Variants in ZNF469 observed in about 807,000 individuals in gnomAD.
The protein encoded by ZNF469 is zinc finger protein 469.
In ZNF469, 1 loss-of-function variant was observed where a neutral mutation model predicts 1.0. The observed-to-expected ratio is 1.00, with a 90% CI of 0.35 to 4.73. The LOEUF is 4.73. Ranked by LOEUF, ZNF469 falls within the 30% of genes most tolerant of loss-of-function variation. The pLI is 0.16. For synonymous variants in ZNF469, 2,703 were observed against 2,363.4 expected, an observed-to-expected ratio of 1.14 and a Z score of -4.17; for missense variants, 6,100 against 5,356.3, an observed-to-expected ratio of 1.14 and a Z score of -4.33.
At chr16:88,185,732 A>G in the ZNF469 span, among the ~76,000 whole-genome samples, 1 of 141,800 alleles carries the variant, frequency 7.1e-6, no homozygotes, top group Non-Finnish European at 1.5e-5. Flanking sequence ...ATGCATACAC[A>G]CGCATACACA....
the ZNF469 span, among the ~76,000 whole-genome samples, chr16:88,257,539 C>A: frequency 3.3e-4 from 50 of 152,296 alleles, no homozygotes; most frequent in East Asian, 3.7e-3. Flanking sequence ...TCAATTATTT[C>A]TTTCCTGGAT....
At chr16:88,232,640 C>G in the ZNF469 span, among the ~76,000 whole-genome samples, 1 of 152,232 alleles carries the variant, frequency 6.6e-6, no homozygotes, top group African/African-American at 2.4e-5. Context: ...AGCTCTCTGC[C>G]TGAGAGAGGG....
At position 88,437,100 on chromosome 16, in the gene ZNF469, C is replaced by T. The variant is rs1432742346; in HGVS notation, c.9630C>T (p.Ser3210=). ...RFARRGQARR[S]LGDLPGGLEG... Reference sequence around the variant, plus strand: ...CCCGCAGGGGGCAGGCGCGGAGGTCCTTGGGGGACCTGCCCGGAGGCCTGG... The same window carrying T: ...CCCGCAGGGGGCAGGCGCGGAGGTCTTTGGGGGACCTGCCCGGAGGCCTGG... The change falls in exon 3 of 3, where the codon TCC becomes TCT. Residue 3210 remains serine (S), a synonymous_variant. Transcript: ENST00000565624. 1.4e-5 allele frequency: 21 copies of T among 1,546,896 alleles called. No individual in the cohort carries two copies. Among genetic ancestry groups the T allele is most frequent in the East Asian group, 7.3e-5 (3 of 40,890 alleles).
chr16:88,417,912 G>A (rs1223636617), intron 1 of ZNF469, among the ~76,000 whole-genome samples: 2 of 152,224 alleles, frequency 1.3e-5, no homozygotes, highest in Non-Finnish European at 2.9e-5. Context: ...GCGTGTGCAT[G>A]GATGAGCATG....
chr16:88,433,069 G>A lies in ZNF469; in HGVS notation c.5599G>A (p.Ala1867Thr). Residue 1867 changes from alanine (A) to threonine (T), a missense_variant, in exon 3 of 3, where the codon GCC becomes ACC. Ala to Thr is a moderately conservative substitution (Grantham distance 58). Transcript: ENST00000565624. ...FAPAGASSLT[A>T]PRGREAWLVP... is the part of the protein sequence containing the mutation. ...ACCGGCGGGGGCCTCCTCACTGACT[G>A]CCCCCCGGGGCAGGGAGGCTTGGTT... 1.3e-6 allele frequency: 2 copies of A among 1,550,262 alleles called. No homozygotes were observed. Among genetic ancestry groups the A allele is most frequent in the Non-Finnish European group, 8.7e-7 (1 of 1,146,928 alleles).
At position 88,436,277 on chromosome 16, in the gene ZNF469, A is replaced by C. The variant is rs1460044762; in HGVS notation, c.8807A>C (p.Glu2936Ala). ...WEDEDPAGLP[E>A]SFLLDGFLNS... is the part of the protein sequence containing the mutation. ...GACGAGGATCCCGCAGGTCTGCCCG[A>C]GTCCTTCCTCCTGGATGGGTTCCTC... Residue 2936 changes from glutamate (E) to alanine (A), a missense_variant, in exon 3 of 3, where the codon GAG (glutamate) becomes GCG (alanine). Glu to Ala is a moderately radical substitution (Grantham distance 107). Coordinates refer to ENST00000565624, the MANE Select transcript of ZNF469 (RefSeq NM_001367624.2). 4.5e-6 allele frequency: 7 copies of C among 1,549,990 alleles called. No homozygotes were observed. The highest frequency in any genetic ancestry group is 3.4e-4 in the Middle Eastern group (2 of 5,824).
chr16:88,251,086 C>G, the ZNF469 span, among the ~76,000 whole-genome samples: 265 of 152,328 alleles, frequency 1.7e-3, no homozygotes, highest in African/African-American at 4.9e-3. Flanking sequence ...CCTTACTGGC[C>G]AGGCTGGTCT....
At chr16:88,400,952 G>T (rs1904837061) in intron 1 of ZNF469, among the ~76,000 whole-genome samples, 1 of 152,076 alleles carries the variant, frequency 6.6e-6, no homozygotes. Flanking sequence ...CAACAGGCCA[G>T]GGGTTGCTTC....
chr16:88,161,674 T>A, the ZNF469 span, among the ~76,000 whole-genome samples: 1 of 152,164 alleles, frequency 6.6e-6, no homozygotes, highest in South Asian at 2.1e-4. Context: ...TTCCAGTTAT[T>A]CAATGAATGT....
chr16:88,434,183 G>C lies in ZNF469; in HGVS notation c.6713G>C (p.Cys2238Ser). 1 of 1,550,350 alleles carries C rather than the reference G, an allele frequency of 6.5e-7. No homozygotes were observed. ...WPPGSVSAVT[C>S]THSGDTPKDS... ...CCTGGCTCCGTCAGTGCTGTAACCT[G>C]CACTCACAGTGGGGACACCCCCAAA... The change falls in exon 3 of 3, where the codon TGC becomes TCC. Residue 2238 changes from cysteine to serine, a missense_variant. Cys to Ser is a moderately radical substitution (Grantham distance 112). Coordinates refer to ENST00000565624, the MANE Select transcript of ZNF469 (RefSeq NM_001367624.2).
chr16:88,260,598 T>G, the ZNF469 span, among the ~76,000 whole-genome samples: 1 of 152,196 alleles, frequency 6.6e-6, no homozygotes, highest in African/African-American at 2.4e-5. The surrounding 1 kb of genome is among the most constrained non-coding windows in gnomAD (Gnocchi z 4.1). Context: ...ACAAAACTGC[T>G]TGATCTTTGA....
chr16:88,300,558 G>T, the ZNF469 span, among the ~76,000 whole-genome samples: 3 of 152,006 alleles, frequency 2.0e-5, no homozygotes, highest in African/African-American at 7.2e-5. Flanking sequence ...CGCTTCTCTC[G>T]GTGGCTCCAT....
the ZNF469 span, among the ~76,000 whole-genome samples, chr16:88,291,083 C>T: frequency 1.3e-5 from 2 of 152,188 alleles, no homozygotes; most frequent in African/African-American, 2.4e-5. Context: ...CTCTGCTTCC[C>T]TCTGGGAGAC....
the ZNF469 span, among the ~76,000 whole-genome samples, chr16:88,245,862 T>G: frequency 6.6e-6 from 1 of 152,284 alleles, no homozygotes; most frequent in Admixed American, 6.5e-5. Flanking sequence ...GTGCCTGGTG[T>G]GTGTCCCGGT....
chr16:88,357,317 G>T, the ZNF469 span, among the ~76,000 whole-genome samples: 3 of 152,242 alleles, frequency 2.0e-5, no homozygotes, highest in Admixed American at 1.3e-4. Flanking sequence ...AGCTGTCACT[G>T]CAGCGTGGTG....
In ZNF469 at chr16:88,433,524, C is replaced by G; in HGVS notation, c.6054C>G (p.Val2018=). The G allele has an allele frequency of 3.9e-6, 6 of 1,550,322 alleles. No individual in the cohort carries two copies. The highest frequency in any genetic ancestry group is 5.2e-6 in the Non-Finnish European group (6 of 1,146,894). Reference sequence around the variant, plus strand: ...GGGGCACGGACAACCACGCCTCAGTCAATGCCAGTCCCAAAACAGCGCTGA... The same window carrying G: ...GGGGCACGGACAACCACGCCTCAGTGAATGCCAGTCCCAAAACAGCGCTGA... The part of the protein sequence containing the change: ...SPGGTDNHAS[V]NASPKTALTG... The change falls in exon 3 of 3, where the codon GTC becomes GTG. Residue 2018 remains valine (V), a synonymous_variant. Transcript: ENST00000565624.
chr16:88,274,494 C>T, the ZNF469 span, among the ~76,000 whole-genome samples: 6 of 152,178 alleles, frequency 3.9e-5, no homozygotes, highest in African/African-American at 9.7e-5. Context: ...CTGGTGTGAC[C>T]GCACCAATAG....
At chr16:88,365,505 G>A in the ZNF469 span, among the ~76,000 whole-genome samples, 2 of 152,258 alleles carry the variant, frequency 1.3e-5, no homozygotes, top group African/African-American at 4.8e-5. Flanking sequence ...GCTAGCATGG[G>A]GGAGCTGTCT....
the ZNF469 span, among the ~76,000 whole-genome samples, chr16:88,305,305 C>T: frequency 1.0e-5 from 1 of 100,330 alleles, no homozygotes; most frequent in Non-Finnish European, 2.5e-5. Flanking sequence ...CGCACACCCT[C>T]ACATGCACAC....
Sources: allele counts gnomAD v4.1 joint callset (sites outside exome capture counted in the v4.1 genomes callset), GRCh38; gene constraint gnomAD v4.1.1; non-coding constraint Gnocchi (gnomAD v3.1); transcripts MANE v1.5; gene names NCBI Gene and HGNC (gene_info 2026-07-23, HGNC 2026-07-21).